The following PCDHA9 variants were observed in gnomAD, a reference collection of about 807,000 sequenced individuals.
PCDHA9 encodes protocadherin alpha 9.
In PCDHA9, 62 loss-of-function variants were observed where a neutral mutation model predicts 62.0. The ratio of observed to expected loss-of-function variants is 1.00; its 90% confidence interval spans 0.81 to 1.23. The LOEUF is 1.23. PCDHA9 is among the 50% of genes most tolerant of loss of function. The pLI is 0.00. For synonymous variants in PCDHA9, 557 were observed against 567.6 expected, an observed-to-expected ratio of 0.98 and a Z score of 0.27; for missense variants, 1,205 against 1,249.8, an observed-to-expected ratio of 0.96 and a Z score of 0.54.
intron 1 of PCDHA9, among the ~76,000 whole-genome samples, chr5:140,915,080 G>T (rs1279074888): frequency 6.6e-6 from 1 of 151,664 alleles, no homozygotes; most frequent in Non-Finnish European, 1.5e-5. Context: ...TGAGTAGCTG[G>T]GACTATGGGC....
Position 140,850,166 on chromosome 5 carries a change from C to G in PCDHA9, c.1671C>G (p.Asp557Glu), listed in dbSNP as rs1248475012. 6.3e-7 allele frequency: 1 copy of G among 1,594,750 alleles called. No individual in the cohort carries two copies. Among genetic ancestry groups the G allele is most frequent in the Non-Finnish European group, 8.6e-7 (1 of 1,167,750 alleles). The change falls in exon 1 of 4, where the codon GAC becomes GAG. Residue 557 changes from aspartate to glutamate, a missense_variant. This residue lies in a region of PCDHA9 where 887 missense variants were observed against 809.5 expected (regional missense o/e 1.10). Coordinates refer to ENST00000532602, the MANE Select transcript of PCDHA9 (RefSeq NM_031857.2). Reference sequence around the variant, plus strand: ...TGACGCTGCAGGTGTTCGTGCTGGACGAGAACGACAATGCGCCGGCGCTGC... The same window carrying G: ...TGACGCTGCAGGTGTTCGTGCTGGAGGAGAACGACAATGCGCCGGCGCTGC... ...SNVTLQVFVL[D>E]ENDNAPALLT...
intron 1 of PCDHA9, chr5:140,867,045 T>C (rs1232896642): frequency 6.6e-6 from 1 of 152,200 alleles, no homozygotes; most frequent in Non-Finnish European, 1.5e-5. Flanking sequence ...ACTTGGCGTT[T>C]GTTCAGTACT....
chr5:140,926,806 C>T, intron 1 of PCDHA9: 1 of 1,456,722 alleles, frequency 6.9e-7, no homozygotes, highest in Non-Finnish European at 9.0e-7. Flanking sequence ...CTCTTCCCCG[C>T]GGCTCGTGCT....
chr5:140,972,386 A>G (rs2096534472), intron 1 of PCDHA9, among the ~76,000 whole-genome samples: 1 of 148,802 alleles, frequency 6.7e-6, no homozygotes, highest in African/African-American at 2.5e-5. Flanking sequence ...GTATTTGTTT[A>G]TTTGCTTCAC....
At chr5:140,871,593 A>G in intron 1 of PCDHA9, 3 of 1,458,668 alleles carry the variant, frequency 2.1e-6, no homozygotes, top group South Asian at 1.5e-5. Context: ...TTTTATGAAT[A>G]ACCAGTGTTT....
intron 1 of PCDHA9, among the ~76,000 whole-genome samples, chr5:140,972,087 A>G (rs1372467840): frequency 3.3e-5 from 5 of 152,192 alleles, no homozygotes; most frequent in Non-Finnish European, 7.3e-5. Context: ...AAAAAGAGTA[A>G]TTTCTGGCAT....
chr5:140,878,253 G>A lies in PCDHA9; in HGVS notation c.2394+27364G>A, dbSNP rs182369955. 2.6e-3 allele frequency among the ~76,000 whole-genome samples: 400 copies of A among 152,208 alleles called. 1 individual carries two copies. The highest frequency in any genetic ancestry group is 9.2e-3 in the African/African-American group (384 of 41,530). Reference sequence around the variant, plus strand: ...AATGGATTCTTTAACTCTTCCTCACGTGCTTAGGCTTTTAAAATAGCCTTC... The same window carrying A: ...AATGGATTCTTTAACTCTTCCTCACATGCTTAGGCTTTTAAAATAGCCTTC... On this transcript the variant is annotated intron_variant, in intron 1 of 3. Transcript: ENST00000532602.
chr5:140,849,588 C>A lies in PCDHA9; in HGVS notation c.1093C>A (p.Leu365Met), dbSNP rs2150441639. 7.5e-6 allele frequency: 12 copies of A among 1,598,674 alleles called. No homozygotes were observed. Among genetic ancestry groups the A allele is most frequent in the Non-Finnish European group, 1.0e-5 (12 of 1,168,018 alleles). The change falls in exon 1 of 4, where the codon CTG becomes ATG. Residue 365 changes from leucine to methionine, a missense_variant. Around this residue, in one of 3 missense-constraint regions of PCDHA9, gnomAD observed 887 missense variants for 809.5 expected, o/e 1.10. Transcript: ENST00000532602. ...GGTTCCTGTAAAAGAGGACGCACAA[C>A]TGGGGACAGTTATTGCCCTGATTAG... Reference protein sequence around the residue: ...LSVPVKEDAQLGTVIALISVI... With the variant: ...LSVPVKEDAQMGTVIALISVI...
intron 3 of PCDHA9, among the ~76,000 whole-genome samples, chr5:140,988,079 G>A (rs1431334458): frequency 6.6e-6 from 1 of 152,188 alleles, no homozygotes; most frequent in Non-Finnish European, 1.5e-5. Flanking sequence ...TATTTCATGA[G>A]TGAGTGCAGC....
intron 1 of PCDHA9, chr5:140,866,875 A>C (rs2049624381): frequency 6.6e-6 from 1 of 152,142 alleles, no homozygotes; most frequent in Admixed American, 6.5e-5. Flanking sequence ...ACTTCTTGGT[A>C]TTAGCCTATA....
At chr5:140,883,974 G>A (rs782820820) in intron 1 of PCDHA9, 6 of 1,612,844 alleles carry the variant, frequency 3.7e-6, no homozygotes, top group African/African-American at 2.7e-5. Flanking sequence ...CTGACGCCCG[G>A]GGCTGGCAGC....
At chr5:140,967,609 C>T (rs1026350659) in intron 1 of PCDHA9, 26 of 1,614,056 alleles carry the variant, frequency 1.6e-5, no homozygotes, top group Middle Eastern at 1.6e-4. Flanking sequence ...AGCTGAATGC[C>T]TCAGACCCGG....
At chr5:141,005,220 C>T (rs2098201724) in intron 3 of PCDHA9, among the ~76,000 whole-genome samples, 1 of 152,192 alleles carries the variant, frequency 6.6e-6, no homozygotes, top group Admixed American at 6.5e-5. Flanking sequence ...CAAGTATTTA[C>T]TAAACACCTG....
chr5:140,886,786 A>C (rs2061126610), intron 1 of PCDHA9, among the ~76,000 whole-genome samples: 1 of 150,390 alleles, frequency 6.6e-6, no homozygotes, highest in East Asian at 2.0e-4. Context: ...AGATCATGCT[A>C]CTGTACTCCA....
chr5:140,955,386 G>T (rs942993673), intron 1 of PCDHA9, among the ~76,000 whole-genome samples: 4 of 152,080 alleles, frequency 2.6e-5, no homozygotes, highest in African/African-American at 9.7e-5. Flanking sequence ...AATCATGGGG[G>T]CAATTATCCC....
chr5:140,927,366 A>G (rs782348018), intron 1 of PCDHA9: 29 of 1,614,088 alleles, frequency 1.8e-5, no homozygotes, highest in Admixed American at 1.7e-4. Context: ...GCAATGGGAT[A>G]CTAAGCTACA....
intron 1 of PCDHA9, among the ~76,000 whole-genome samples, chr5:140,940,287 C>T (rs190568424): frequency 6.6e-6 from 1 of 152,272 alleles, no homozygotes; most frequent in East Asian, 1.9e-4. Context: ...CATTGTGCTG[C>T]TTCATCAGTA....
chr5:140,871,158 C>G (rs2052764728), intron 1 of PCDHA9: 20 of 1,613,444 alleles, frequency 1.2e-5, no homozygotes, highest in Non-Finnish European at 1.6e-5. Flanking sequence ...TGGCGGGCGC[C>G]GCGAGCCCAG....
At position 140,874,324 on chromosome 5, in the gene PCDHA9, C is replaced by A. The variant is rs1369470009; in HGVS notation, c.2394+23435C>A. On this transcript the variant is annotated intron_variant, in intron 1 of 3. Transcript: ENST00000532602. Reference sequence around the variant, plus strand: ...TTCACAATGAGTTGTAGGATCTTATCTGTTTTTTTCTCTTAAAGCTGATCT... The same window carrying A: ...TTCACAATGAGTTGTAGGATCTTATATGTTTTTTTCTCTTAAAGCTGATCT... Among the ~76,000 whole-genome samples the A allele has an allele frequency of 2.6e-5, 4 of 151,652 alleles. No individual in the cohort carries two copies. In the East Asian group the frequency reaches 7.7e-4, roughly 29 times the overall value.
Sources: allele counts gnomAD v4.1 joint callset (sites outside exome capture counted in the v4.1 genomes callset), GRCh38; gene constraint gnomAD v4.1.1; regional missense constraint gnomAD v4.1.1; transcripts MANE v1.5; gene names NCBI Gene and HGNC (gene_info 2026-07-23, HGNC 2026-07-21).